The following KLHL2 variants were observed in gnomAD, a reference collection of about 807,000 sequenced individuals.
KLHL2 encodes the protein kelch like family member 2.
KLHL2 carries 15 observed loss-of-function variants against 75.8 expected under a neutral mutation model. That is an observed-to-expected ratio of 0.20 (90% CI 0.13 to 0.30). KLHL2 has a LOEUF of 0.30. KLHL2 is among the 10% of genes least tolerant of loss of function. The pLI is 1.00. For synonymous variants in KLHL2, 214 were observed against 251.9 expected, an observed-to-expected ratio of 0.85 and a Z score of 1.42; for missense variants, 381 against 741.0, an observed-to-expected ratio of 0.51 and a Z score of 5.64.
intron 4 of KLHL2, among the ~76,000 whole-genome samples, chr4:165,257,153 C>T (rs1741243285): frequency 6.6e-6 from 1 of 152,140 alleles, no homozygotes; most frequent in African/African-American, 2.4e-5. Flanking sequence ...AGCTTGGGGT[C>T]CTTCTGCAAG....
chr4:165,228,577 C>T (rs536741776), intron 2 of KLHL2, among the ~76,000 whole-genome samples: 54 of 152,156 alleles, frequency 3.5e-4, no homozygotes, highest in African/African-American at 1.3e-3. Flanking sequence ...GGGAGGATTT[C>T]TGTGTTTTTC....
chr4:165,246,562 T>C (rs1252454181), intron 4 of KLHL2, among the ~76,000 whole-genome samples: 4 of 152,112 alleles, frequency 2.6e-5, no homozygotes, highest in Non-Finnish European at 5.9e-5. Flanking sequence ...TGGGAGATAT[T>C]TGGAGGTAGG....
At chr4:165,211,042 G>T (rs148150141) in intron 1 of KLHL2, among the ~76,000 whole-genome samples, 2 of 152,092 alleles carry the variant, frequency 1.3e-5, no homozygotes, top group Non-Finnish European at 2.9e-5. Context: ...GAGACTTGTC[G>T]TCAGAGGTGG....
At chr4:165,300,345 A>G (rs1420959615) in intron 8 of KLHL2, among the ~76,000 whole-genome samples, 1 of 152,158 alleles carries the variant, frequency 6.6e-6, no homozygotes, top group African/African-American at 2.4e-5. Context: ...TGTTTGTTTA[A>G]TAACTGAAAA....
At chr4:165,295,424 T>G (rs1382902599) in intron 6 of KLHL2, among the ~76,000 whole-genome samples, 1 of 152,210 alleles carries the variant, frequency 6.6e-6, no homozygotes, top group Admixed American at 6.5e-5. Flanking sequence ...TGACATTACT[T>G]TCACACTTAA....
intron 5 of KLHL2, chr4:165,277,670 G>T: frequency 2.1e-6 from 1 of 486,338 alleles, no homozygotes; most frequent in Non-Finnish European, 3.7e-6. Flanking sequence ...ATCTTAGAGG[G>T]AATGGAGCAG....
In KLHL2 at chr4:165,293,997, A is replaced by G. The variant is rs540039356; in HGVS notation, c.545-362A>G. Among the ~76,000 whole-genome samples the G allele has an allele frequency of 2.0e-5, 3 of 152,298 alleles. No homozygotes were observed. The South Asian group carries it at 6.2e-4, about 32-fold the overall frequency. ...TGACATCATGTTCTTTATCTGATTT[A>G]TATAATCAAAAGGTTTTACAAATTT... On this transcript the variant is annotated intron_variant, in intron 5 of 14. Coordinates refer to ENST00000226725, the MANE Select transcript of KLHL2 (RefSeq NM_007246.4).
chr4:165,232,282 C>G (rs1234555499), intron 3 of KLHL2, among the ~76,000 whole-genome samples: 1 of 151,786 alleles, frequency 6.6e-6, no homozygotes, highest in African/African-American at 2.4e-5. Flanking sequence ...AAAAAATTAG[C>G]CGGGCGTGGT....
chr4:165,240,331 C>T (rs535360473), intron 4 of KLHL2: 26 of 152,296 alleles, frequency 1.7e-4, no homozygotes, highest in African/African-American at 5.8e-4. Flanking sequence ...AGAATGAATT[C>T]GGAGACTGAA....
At chr4:165,227,194 A>C (rs1738507531) in intron 2 of KLHL2, among the ~76,000 whole-genome samples, 1 of 152,114 alleles carries the variant, frequency 6.6e-6, no homozygotes, top group African/African-American at 2.4e-5. Flanking sequence ...GACCTGCTTT[A>C]TGTCTCATAC....
At chr4:165,315,512 T>G (rs1746530584) in intron 13 of KLHL2, among the ~76,000 whole-genome samples, 1 of 152,190 alleles carries the variant, frequency 6.6e-6, no homozygotes, top group Admixed American at 6.5e-5. Context: ...TTCAGTTTGT[T>G]TTTCCTTCTC....
chr4:165,297,811 G>C (rs1469485229), intron 7 of KLHL2, 86 bp downstream of exon 7: 1 of 860,452 alleles, frequency 1.2e-6, no homozygotes, highest in Non-Finnish European at 2.0e-6. Context: ...GCAGTGATAA[G>C]AGCTGTAGAA....
At chr4:165,212,795 ACTTCT>A (rs1351238454) in intron 1 of KLHL2, among the ~76,000 whole-genome samples, 1 of 152,150 alleles carries the variant, frequency 6.6e-6, no homozygotes, top group Non-Finnish European at 1.5e-5. Flanking sequence ...GTCTTGCATG[ACTTCT>A]CTTCTATCAC....
chr4:165,253,945 C>CT (rs796737904), intron 4 of KLHL2, among the ~76,000 whole-genome samples: 16 of 151,830 alleles, frequency 1.1e-4, no homozygotes, highest in African/African-American at 3.9e-4. Context: ...TGACTAGAGA[C>CT]GGGATGGGAT....
chr4:165,244,668 G>A (rs1303138959), intron 4 of KLHL2, among the ~76,000 whole-genome samples: 1 of 152,088 alleles, frequency 6.6e-6, no homozygotes, highest in Non-Finnish European at 1.5e-5. Context: ...AAAGGAACAG[G>A]GAACAAAGCG....
chr4:165,211,357 A>G (rs1737191155), intron 1 of KLHL2, among the ~76,000 whole-genome samples: 1 of 152,240 alleles, frequency 6.6e-6, no homozygotes, highest in Non-Finnish European at 1.5e-5. Flanking sequence ...CTTTAAATTT[A>G]AAAAACTTAG....
At chr4:165,314,261 T>G in intron 13 of KLHL2, 95 bp downstream of exon 13, 1 of 1,210,070 alleles carries the variant, frequency 8.3e-7, no homozygotes, top group East Asian at 2.4e-5. Flanking sequence ...GTATTTCCAT[T>G]GTTCTTTTAC....
At chr4:165,314,193 CTTATG>C in intron 13 of KLHL2, 27 bp downstream of exon 13, 1 of 1,589,520 alleles carries the variant, frequency 6.3e-7, no homozygotes, top group Non-Finnish European at 8.6e-7. Context: ...GGTTATAAAA[CTTATG>C]TTGAATTTTA....
chr4:165,274,874 A>C (rs1742957903), intron 5 of KLHL2, among the ~76,000 whole-genome samples: 1 of 152,176 alleles, frequency 6.6e-6, no homozygotes, highest in Non-Finnish European at 1.5e-5. Context: ...GGTAGGTTAG[A>C]GAGTGAGAGC....
Sources: allele counts gnomAD v4.1 joint callset (sites outside exome capture counted in the v4.1 genomes callset), GRCh38; gene constraint gnomAD v4.1.1; transcripts MANE v1.5; gene names NCBI Gene and HGNC (gene_info 2026-07-23, HGNC 2026-07-21).